The following PFKFB2 variants were observed in gnomAD, a reference collection of about 807,000 sequenced individuals.
PFKFB2 encodes the protein 6-phosphofructo-2-kinase/fructose-2,6-bisphosphatase 2.
In PFKFB2, 53 loss-of-function variants were observed where a neutral mutation model predicts 68.0. The ratio of observed to expected loss-of-function variants is 0.78; its 90% CI spans 0.63 to 0.98. PFKFB2 has a LOEUF of 0.98. Among genes scored for constraint, PFKFB2 ranks in the 50% least tolerant of loss-of-function variants. PFKFB2 has a pLI of 0.00. For missense variants in PFKFB2, 451 were observed against 642.0 expected, an observed-to-expected ratio of 0.70 and a Z score of 3.22; for synonymous variants, 222 against 227.6, an observed-to-expected ratio of 0.98 and a Z score of 0.22.
At chr1:207,079,973 C>A (rs1683722814), downstream of PFKFB2, 1 of 152,212 alleles carries the variant, frequency 6.6e-6, no homozygotes, top group African/African-American at 2.4e-5. Flanking sequence ...GGGCAGTAGT[C>A]TCCTGATACC....
intron 2 of PFKFB2, among the ~76,000 whole-genome samples, chr1:207,057,505 A>G (rs1682963999): frequency 6.6e-6 from 1 of 150,434 alleles, no homozygotes; most frequent in Non-Finnish European, 1.5e-5. Flanking sequence ...GCAGAAATGG[A>G]GAAATCTACA....
chr1:207,061,932 T>G (rs375465640), intron 2 of PFKFB2, 21 bp from the exon 3 acceptor site: 2 of 1,610,172 alleles, frequency 1.2e-6, no homozygotes, highest in African/African-American at 2.7e-5. Flanking sequence ...TTTCGTTTTA[T>G]TTTGTTTCAT....
At chr1:207,062,143 G>A in intron 3 of PFKFB2, 65 bp downstream of exon 3, 1 of 1,605,668 alleles carries the variant, frequency 6.2e-7, no homozygotes, top group South Asian at 1.1e-5. Context: ...GTCTCTGGGA[G>A]ACTTATTCTT....
In PFKFB2 at chr1:207,076,023, C is replaced by G; in HGVS notation, c.*3652C>G. 6.1e-6 allele frequency: 6 copies of G among 985,434 alleles called. No homozygotes were observed. The highest frequency in any genetic ancestry group is 6.0e-6 in the Non-Finnish European group (5 of 829,936). The allele number at this position is 985,434 out of a possible 1,614,324, so 61.0% of individuals were successfully genotyped here. On this transcript the variant is annotated 3_prime_UTR_variant, in exon 15 of 15. Coordinates refer to ENST00000367080, the MANE Select transcript of PFKFB2 (RefSeq NM_006212.2). ...ATTGTGCTAGGGATCTGCCCTATAT[C>G]TTTGCCTCTGGTGTTTCGTTGTTGT...
rs751964694 is a variant in PFKFB2, at chr1:207,072,360, G to A, written c.1507G>A (p.Gly503Arg). The stretch of plus-strand genomic sequence containing the variant: ...TCTCCGTGCCCAGGACATGCAAGAA[G>A]GGGCCGACTAGCCGAAGACCCAAGT... ...SPLRAQDMQE[G>R]AD Residue 503 changes from glycine (G) to arginine (R), a missense_variant, in exon 15 of 15, where the codon GGG becomes AGG. Gly to Arg is a moderately radical substitution (Grantham distance 125). Coordinates refer to ENST00000367080, the MANE Select transcript of PFKFB2 (RefSeq NM_006212.2). 14 of 1,612,988 alleles carry A rather than the reference G, an allele frequency of 8.7e-6. No individual in the cohort carries two copies. Among genetic ancestry groups the A allele is most frequent in the Admixed American group, 8.4e-5 (5 of 59,704 alleles).
chr1:207,079,131 G>A, downstream of PFKFB2: 1 of 899,246 alleles, frequency 1.1e-6, no homozygotes, highest in African/African-American at 1.6e-5. Flanking sequence ...CTGGACTTTG[G>A]GGGCCACCAA....
chr1:207,049,587 G>A, upstream of PFKFB2: 1 of 1,614,194 alleles, frequency 6.2e-7, no homozygotes, highest in Non-Finnish European at 8.5e-7. Flanking sequence ...TAGTAAAGAG[G>A]CAAGAGTTGT....
intron 2 of PFKFB2, among the ~76,000 whole-genome samples, chr1:207,058,376 A>C (rs554559159): frequency 6.6e-6 from 1 of 152,350 alleles, no homozygotes; most frequent in South Asian, 2.1e-4. Context: ...CAGGATTAGA[A>C]TGGAGAGCAA....
In PFKFB2 at chr1:207,068,166, G is replaced by A. The variant is rs762272947; in HGVS notation, c.844G>A (p.Ala282Thr). Residue 282 changes from alanine (A) to threonine (T), a missense_variant, in exon 10 of 15, where the codon GCC (alanine) becomes ACC (threonine). Coordinates refer to ENST00000367080, the MANE Select transcript of PFKFB2 (RefSeq NM_006212.2). ...AATTTTCATTTTTAAACCCCAGTTT[G>A]CCCAAGCTCTAAGGAAATTTCTGGA... is the stretch of plus-strand genomic sequence containing the variant. ...SGLSVRGKQFAQALRKFLEEQ... is the reference protein window; with the variant it reads ...SGLSVRGKQFTQALRKFLEEQ... 4.1e-5 allele frequency: 65 copies of A among 1,603,418 alleles called. No homozygotes were observed. The highest frequency in any genetic ancestry group is 5.3e-5 in the Non-Finnish European group (62 of 1,176,726).
rs994046101 is a variant in PFKFB2, at chr1:207,075,970, A to G, written c.*3599A>G. On this transcript the variant is annotated 3_prime_UTR_variant, in exon 15 of 15. Transcript: ENST00000367080. ...TGATTTTTACATTGAGTTTTAAAGT[A>G]GAATAAGAAAAGCTTCTAAAAACTT... is the stretch of plus-strand genomic sequence containing the variant. 2.0e-6 allele frequency: 2 copies of G among 985,284 alleles called. No homozygotes were observed. Among genetic ancestry groups the G allele is most frequent in the Non-Finnish European group, 2.4e-6 (2 of 829,892 alleles). The allele number at this position is 985,284 out of a possible 1,614,324, so 61.0% of individuals were successfully genotyped here.
At chr1:207,042,874 T>C (rs188444521) in intron 2 of PFKFB2, among the ~76,000 whole-genome samples, 15 of 152,340 alleles carry the variant, frequency 9.8e-5, no homozygotes, top group Admixed American at 8.5e-4. Flanking sequence ...ATTTACATTA[T>C]CTGTAAACTT....
chr1:207,042,059 T>C, intron 1 of PFKFB2: 1 of 152,194 alleles, frequency 6.6e-6, no homozygotes, highest in Non-Finnish European at 1.5e-5. Context: ...TTAGTCTGAG[T>C]TCTTTCCTCT....
upstream of PFKFB2, chr1:207,049,590 A>T: frequency 6.2e-7 from 1 of 1,614,198 alleles, no homozygotes; most frequent in African/African-American, 1.3e-5. Flanking sequence ...TAAAGAGGCA[A>T]GAGTTGTCTG....
chr1:207,070,012 G>GA lies in PFKFB2; in HGVS notation c.1093-262dup, dbSNP rs1182297641. On this transcript the variant is annotated intron_variant, in intron 11 of 14. Coordinates refer to ENST00000367080, the MANE Select transcript of PFKFB2 (RefSeq NM_006212.2). This position sits in a 1 kb window ranked among gnomAD's most constrained non-coding sequence, Gnocchi z 4.2. Reference sequence around the variant, plus strand: ...CACTGCCTGTATTAATCTGTGGGAAGAAAAAACACACACACACAGGTTGAA... The same window carrying GA: ...CACTGCCTGTATTAATCTGTGGGAAGAAAAAAACACACACACACAGGTTGAA... 8.1e-6 allele frequency among the ~76,000 whole-genome samples: 1 copy of GA among 123,072 alleles called. No individual in the cohort carries two copies. Among genetic ancestry groups the GA allele is most frequent in the Non-Finnish European group, 1.9e-5 (1 of 52,218 alleles). The allele number at this position is 123,072 out of a possible 152,430, so 80.7% of individuals were successfully genotyped here. A position where few individuals can be genotyped will look rare whatever the true frequency, so the allele number is the denominator to read the frequency against.
At chr1:207,055,009 G>A (rs1682879085) in intron 2 of PFKFB2, 2 of 506,512 alleles carry the variant, frequency 3.9e-6, no homozygotes, top group East Asian at 6.9e-5. Flanking sequence ...TACTGGTGTA[G>A]TCCAGCAGTT....
intron 1 of PFKFB2, among the ~76,000 whole-genome samples, chr1:207,040,219 T>C (rs1682450715): frequency 6.6e-6 from 1 of 152,240 alleles, no homozygotes; most frequent in Non-Finnish European, 1.5e-5. Context: ...ACCTGACTCC[T>C]GAGTCAGCAG....
downstream of PFKFB2, chr1:207,079,912 G>A (rs1230173874): frequency 6.6e-6 from 1 of 152,214 alleles, no homozygotes; most frequent in Non-Finnish European, 1.5e-5. Flanking sequence ...CCCCTCTGTG[G>A]GCTCTGTCAC....
intron 2 of PFKFB2, among the ~76,000 whole-genome samples, chr1:207,055,465 C>T (rs968817688): frequency 3.3e-5 from 5 of 152,218 alleles, no homozygotes; most frequent in African/African-American, 1.2e-4. Flanking sequence ...AGCATCATTT[C>T]CTGTCCCCAA....
chr1:207,071,671 G>A (rs901007181), intron 14 of PFKFB2, 98 bp downstream of exon 14: 71 of 837,408 alleles, frequency 8.5e-5, no homozygotes, highest in Admixed American at 3.3e-4. Flanking sequence ...ATGTACAAAA[G>A]GGAAACAGAT....
Sources: gnomAD v4.1 joint callset for allele counts (sites outside exome capture counted in the v4.1 genomes callset) on GRCh38, gnomAD v4.1.1 for gene constraint, Gnocchi (gnomAD v3.1) non-coding constraint, MANE v1.5 for transcripts, NCBI Gene and HGNC (gene_info 2026-07-23, HGNC 2026-07-21) for gene names.